The following MAP3K9 variants were observed in gnomAD, a reference collection of about 807,000 sequenced individuals.
The protein encoded by MAP3K9 is mitogen-activated protein kinase kinase kinase 9.
MAP3K9 carries 46 observed loss-of-function variants against 95.8 expected under a neutral mutation model. The ratio of observed to expected loss-of-function variants is 0.48; its 90% CI spans 0.38 to 0.61. The LOEUF (loss-of-function observed/expected upper bound fraction) is 0.61, where lower values mean the gene tolerates loss of function less well. Among genes scored for constraint, MAP3K9 ranks in the 20% least tolerant of loss-of-function variants. The probability of loss-of-function intolerance (pLI) is 0.00; values close to 1 mark genes in which losing one functional copy is unlikely to be tolerated. For synonymous variants in MAP3K9, 533 were observed against 593.8 expected, an observed-to-expected ratio of 0.90 and a Z score of 1.49; for missense variants, 1,296 against 1,474.3, an observed-to-expected ratio of 0.88 and a Z score of 1.98.
intron 2 of MAP3K9, among the ~76,000 whole-genome samples, chr14:70,764,387 G>T (rs1257058820): frequency 6.6e-6 from 1 of 151,660 alleles, no homozygotes; most frequent in African/African-American, 2.4e-5. Context: ...AAATGTGTTT[G>T]TGTCTTAGTT....
At chr14:70,734,247 A>C (rs2053953221) in intron 10 of MAP3K9, 139 bp downstream of exon 10, 1 of 681,398 alleles carries the variant, frequency 1.5e-6, no homozygotes, top group Admixed American at 2.3e-5. Context: ...AGAACACTGA[A>C]CATTCTAGAA....
Position 70,734,467 on chromosome 14 carries a change from A to G in MAP3K9, c.1945T>C (p.Trp649Arg), listed in dbSNP as rs1313854302. ...ACCAGGTTGGGGGCACTGGACGACCACTGCTTATATCCATCTACCAGGGAC... is the reference window on the plus strand; with the variant it reads ...ACCAGGTTGGGGGCACTGGACGACCGCTGCTTATATCCATCTACCAGGGAC... ...LKSLVDGYKQ[W>R]SSSAPNLVKG... Residue 649 changes from tryptophan (W) to arginine (R), a missense_variant, in exon 10 of 12, where the codon TGG (tryptophan) becomes CGG (arginine). Trp to Arg is a moderately radical substitution (Grantham distance 101). This residue lies in a region of MAP3K9 where 377 missense variants were observed against 417.1 expected (regional missense o/e 0.90). Transcript: ENST00000554752. 1 of 1,613,552 alleles carries G rather than the reference A, an allele frequency of 6.2e-7. No homozygotes were observed. The highest frequency in any genetic ancestry group is 1.7e-5 in the Admixed American group (1 of 59,962).
intron 3 of MAP3K9, among the ~76,000 whole-genome samples, chr14:70,752,457 C>G (rs75745855): frequency 0.017 from 2,540 of 152,158 alleles, 80 homozygotes; most frequent in African/African-American, 0.058. Flanking sequence ...AGAGGAAAAC[C>G]CAAACATCAT....
At chr14:70,787,177 G>T (rs991158899) in intron 2 of MAP3K9, among the ~76,000 whole-genome samples, 23 of 151,820 alleles carry the variant, frequency 1.5e-4, no homozygotes, top group Non-Finnish European at 8.8e-5. Flanking sequence ...ACATCAGCTT[G>T]CAGTCACAAG....
chr14:70,773,826 C>T (rs2054560869), intron 2 of MAP3K9, among the ~76,000 whole-genome samples: 1 of 152,186 alleles, frequency 6.6e-6, no homozygotes, highest in Non-Finnish European at 1.5e-5. Context: ...AATCACTGGC[C>T]ATCTCATGCC....
At chr14:70,731,925 G>T (rs2053909159) in intron 11 of MAP3K9, among the ~76,000 whole-genome samples, 1 of 152,174 alleles carries the variant, frequency 6.6e-6, no homozygotes, top group Non-Finnish European at 1.5e-5. Flanking sequence ...ATGGTGACAG[G>T]AAAGAGTGTG....
chr14:70,754,979 A>C (rs1404686601), intron 3 of MAP3K9, among the ~76,000 whole-genome samples: 1 of 152,160 alleles, frequency 6.6e-6, no homozygotes, highest in Non-Finnish European at 1.5e-5. Flanking sequence ...ACAATTGAGG[A>C]TCCAGCCCTT....
chr14:70,765,386 C>G (rs1474940221), intron 2 of MAP3K9: 1 of 612,266 alleles, frequency 1.6e-6, no homozygotes, highest in Non-Finnish European at 2.9e-6. Context: ...TTTATAAGGT[C>G]TATGGTGGTA....
chr14:70,755,685 A>G (rs2054289561), intron 3 of MAP3K9, among the ~76,000 whole-genome samples: 1 of 152,224 alleles, frequency 6.6e-6, no homozygotes, highest in Non-Finnish European at 1.5e-5. Context: ...AGCTACTTAG[A>G]TGGGTAAGCC....
At chr14:70,782,799 A>G (rs1303879075) in intron 2 of MAP3K9, among the ~76,000 whole-genome samples, 2 of 152,150 alleles carry the variant, frequency 1.3e-5, no homozygotes. Context: ...TCTACCTCTG[A>G]ATATTACTCT....
rs1271090061 is a variant in MAP3K9, at chr14:70,778,340, G to C, written c.821-17158C>G. Among the ~76,000 whole-genome samples, 6 of 149,410 alleles carry C rather than the reference G, an allele frequency of 4.0e-5. No homozygotes were observed. The South Asian group carries it at 1.3e-3, about 32-fold the overall frequency. ...CACCCAGGTTGGAGTGTCACGACGC[G>C]ATCTCTGCTCACTGCAACTCCGTCT... On this transcript the variant is annotated intron_variant, in intron 2 of 11. Transcript: ENST00000554752.
chr14:70,778,371 G>C (rs1330827742), intron 2 of MAP3K9, among the ~76,000 whole-genome samples: 1 of 151,390 alleles, frequency 6.6e-6, no homozygotes, highest in Non-Finnish European at 1.5e-5. Context: ...CGTCTCTCAG[G>C]TTCAAGCAAT....
chr14:70,725,763 A>G lies in MAP3K9; in HGVS notation c.*4617T>C, dbSNP rs1425208050. On this transcript the variant is annotated 3_prime_UTR_variant, in exon 12 of 12. Transcript: ENST00000554752. ...CCTAAAGCCAAAGAGAGAGGCAGGTACATTAGGGTGAACCATATGAAATAG... is the reference window on the plus strand; with the variant it reads ...CCTAAAGCCAAAGAGAGAGGCAGGTGCATTAGGGTGAACCATATGAAATAG... The G allele has an allele frequency of 1.3e-5, 2 of 152,228 alleles. No individual in the cohort carries two copies. The highest frequency in any genetic ancestry group is 2.9e-5 in the Non-Finnish European group (2 of 68,038). The allele number at this position is 152,228 out of a possible 1,614,324, so 9.4% of individuals were successfully genotyped here. A position where few individuals can be genotyped will look rare whatever the true frequency, so the allele number is the denominator to read the frequency against.
rs1187319239 is a variant in MAP3K9 at position 70,809,418 on chromosome 14, C to T, written c.-247G>A. 1 of 362,952 alleles carries T rather than the reference C, an allele frequency of 2.8e-6. No individual in the cohort carries two copies. The highest frequency in any genetic ancestry group is 4.3e-5 in the East Asian group (1 of 23,186). The allele number at this position is 362,952 out of a possible 1,614,324, so 22.5% of individuals were successfully genotyped here. A position where few individuals can be genotyped will look rare whatever the true frequency, so the allele number is the denominator to read the frequency against. ...CGGGCCGAGTCCCCGCCTGCCCGCTCGCCCCCCCGGGGGCGGCCTCGTCAC... is the reference window on the plus strand; with the variant it reads ...CGGGCCGAGTCCCCGCCTGCCCGCTTGCCCCCCCGGGGGCGGCCTCGTCAC... On this transcript the variant is annotated 5_prime_UTR_variant, in exon 1 of 12. Coordinates refer to ENST00000554752, the MANE Select transcript of MAP3K9 (RefSeq NM_001284230.2).
At chr14:70,806,247 A>G (rs117545565) in intron 1 of MAP3K9, among the ~76,000 whole-genome samples, 1 of 152,314 alleles carries the variant, frequency 6.6e-6, no homozygotes, top group East Asian at 1.9e-4. Context: ...CCTCTGATGA[A>G]CCAAGGCACT....
intron 2 of MAP3K9, among the ~76,000 whole-genome samples, chr14:70,772,017 G>A (rs1007418343): frequency 7.2e-5 from 11 of 152,322 alleles, no homozygotes; most frequent in Admixed American, 2.6e-4. Flanking sequence ...GGCTCTGCCC[G>A]CTCTGTCTCT....
chr14:70,738,536 G>A (rs1309629986), intron 7 of MAP3K9, 138 bp from the exon 8 acceptor site: 1 of 690,980 alleles, frequency 1.4e-6, no homozygotes, highest in Non-Finnish European at 2.4e-6. Context: ...CTGTGCCCAA[G>A]TGGACCCTTC....
At chr14:70,764,600 G>C (rs369634786) in intron 2 of MAP3K9, among the ~76,000 whole-genome samples, 4 of 151,988 alleles carry the variant, frequency 2.6e-5, no homozygotes, top group Admixed American at 6.6e-5. Flanking sequence ...GGAGGTCAAG[G>C]TGGGAGGATC....
intron 2 of MAP3K9, among the ~76,000 whole-genome samples, chr14:70,793,032 T>A (rs2054823242): frequency 1.3e-5 from 2 of 152,128 alleles, no homozygotes; most frequent in South Asian, 4.1e-4. Flanking sequence ...GAGCAGCCAA[T>A]CCAACAATTC....
Sources: allele counts gnomAD v4.1 joint callset (sites outside exome capture counted in the v4.1 genomes callset), GRCh38; gene constraint gnomAD v4.1.1; regional missense constraint gnomAD v4.1.1; transcripts MANE v1.5; gene names NCBI Gene and HGNC (gene_info 2026-07-23, HGNC 2026-07-21).